Variants in BRCA2 observed in about 807,000 individuals in gnomAD.
BRCA2 encodes breast cancer type 2 susceptibility protein.
A neutral mutation model predicts 276.7 loss-of-function variants in BRCA2; 203 were observed. That is an observed-to-expected ratio of 0.73 (90% CI 0.65 to 0.82). BRCA2 has a LOEUF of 0.82. Ranked by LOEUF, BRCA2 falls within the 40% of genes least tolerant of loss-of-function variation. The pLI is 0.00. For synonymous variants in BRCA2, 1,289 were observed against 1,338.4 expected (o/e 0.96, Z 0.81); for missense variants, 3,920 against 3,915.0 (o/e 1.00, Z -0.03).
At chr13:32,363,631 A>G (rs1566246016) in intron 18 of BRCA2, 98 bp downstream of exon 18, 2 of 1,086,312 alleles carry the variant, frequency 1.8e-6, no homozygotes, top group East Asian at 5.1e-5. Context: ...AGGATGCTCA[A>G]TTTCTTAGAT....
At chr13:32,394,280 T>C (rs2073018050) in intron 24 of BRCA2, among the ~76,000 whole-genome samples, 1 of 152,248 alleles carries the variant, frequency 6.6e-6, no homozygotes, top group African/African-American at 2.4e-5. Context: ...TCATGAACTT[T>C]ATGTTCATGT....
intron 7 of BRCA2, 61 bp downstream of exon 7, chr13:32,326,674 T>C: frequency 1.6e-6 from 2 of 1,246,506 alleles, no homozygotes; most frequent in Non-Finnish European, 2.3e-6. Context: ...TTGTCATCTC[T>C]AATACTTCTG....
In BRCA2 at chr13:32,337,295, T is replaced by A. The variant is rs1555282961; in HGVS notation, c.2940T>A (p.Asp980Glu). The A allele has an allele frequency of 6.2e-7, 1 of 1,612,574 alleles. No homozygotes were observed. Among genetic ancestry groups the A allele is most frequent in the East Asian group, 2.2e-5 (1 of 44,812 alleles). The change falls in exon 11 of 27, where the codon GAT becomes GAA. Residue 980 changes from aspartate (D) to glutamate (E), a missense_variant. Coordinates refer to ENST00000380152, the MANE Select transcript of BRCA2 (RefSeq NM_000059.4). ...DLKSDISLNI[D>E]KIPEKNNDYM... ...AATCGGACATCTCCTTGAATATAGA[T>A]AAAATACCAGAAAAAAATAATGATT...
chr13:32,377,590 C>CA (rs796964470), intron 21 of BRCA2, among the ~76,000 whole-genome samples: 11 of 99,530 alleles, frequency 1.1e-4, no homozygotes, highest in African/African-American at 2.9e-4. Context: ...AACTCCGTCT[C>CA]AAAAAAAAAA....
chr13:32,375,827 T>G (rs2137610247), intron 20 of BRCA2, among the ~76,000 whole-genome samples: 1 of 151,558 alleles, frequency 6.6e-6, no homozygotes, highest in East Asian at 1.9e-4. Context: ...CCCAAAGTGC[T>G]GGGATTACAG....
intron 9 of BRCA2, 123 bp downstream of exon 9, chr13:32,331,153 T>C: frequency 2.8e-6 from 2 of 703,826 alleles, no homozygotes; most frequent in Non-Finnish European, 5.0e-6. Context: ...CTGCCTCCCG[T>C]GCTCAAGCGA....
At position 32,319,289 on chromosome 13, in the gene BRCA2, C is replaced by G. The variant is rs80358531; in HGVS notation, c.280C>G (p.Pro94Ala). Residue 94 changes from proline to alanine, a missense_variant, in exon 3 of 27, where the codon CCT (proline) becomes GCT (alanine). Pro to Ala is a conservative substitution (Grantham distance 27). Coordinates refer to ENST00000380152, the MANE Select transcript of BRCA2 (RefSeq NM_000059.4). ...QGLTLPLYQS[P>A]VKELDKFKLD... ...GCTGACTCTGCCGCTGTACCAATCT[C>G]CTGTAAAAGAATTAGATAAATTCAA... 1 of 1,613,854 alleles carries G rather than the reference C, an allele frequency of 6.2e-7. No individual in the cohort carries two copies. Among genetic ancestry groups the G allele is most frequent in the East Asian group, 2.2e-5 (1 of 44,866 alleles).
At chr13:32,354,509 A>G (rs945545607) in intron 13 of BRCA2, among the ~76,000 whole-genome samples, 11 of 152,132 alleles carry the variant, frequency 7.2e-5, no homozygotes, top group African/African-American at 1.9e-4. Flanking sequence ...AGACTGAGGT[A>G]TTAGGCGGAG....
Position 32,363,369 on chromosome 13 carries a change from G to C in BRCA2, c.8167G>C (p.Asp2723His), listed in dbSNP as rs41293511. The change falls in exon 18 of 27, where the codon GAT becomes CAT. Residue 2723 changes from aspartate to histidine, a missense_variant. This residue lies in a region of BRCA2 where 3,263 missense variants were observed against 3,156.9 expected (regional missense o/e 1.03). Transcript: ENST00000380152. ...AAAAGTGGCCATTATTGAACTTACA[G>C]ATGGGTGGTATGCTGTTAAGGCCCA... is the stretch of plus-strand genomic sequence containing the variant. ...TQKVAIIELT[D>H]GWYAVKAQLD... is the part of the protein sequence containing the mutation. 21 of 1,614,046 alleles carry C rather than the reference G, an allele frequency of 1.3e-5. No homozygotes were observed. The highest frequency in any genetic ancestry group is 1.8e-5 in the Non-Finnish European group (21 of 1,180,042).
At position 32,340,190 on chromosome 13, in the gene BRCA2, A is replaced by G. The variant is rs1593906680; in HGVS notation, c.5835A>G (p.Ile1945Met). 1.2e-6 allele frequency: 2 copies of G among 1,613,592 alleles called. No individual in the cohort carries two copies. The highest frequency in any genetic ancestry group is 1.7e-6 in the Non-Finnish European group (2 of 1,179,624). ...NMSGLEKVSK[I>M]SPCDVSLETS... Reference sequence around the variant, plus strand: ...CTGGATTGGAGAAAGTTTCTAAAATATCACCTTGTGATGTTAGTTTGGAAA... The same window carrying G: ...CTGGATTGGAGAAAGTTTCTAAAATGTCACCTTGTGATGTTAGTTTGGAAA... The change falls in exon 11 of 27, where the codon ATA (isoleucine) becomes ATG (methionine). Residue 1945 changes from isoleucine (I) to methionine (M), a missense_variant. Ile to Met is a conservative substitution (Grantham distance 10). This residue lies in a region of BRCA2 where 3,263 missense variants were observed against 3,156.9 expected (regional missense o/e 1.03). Coordinates refer to ENST00000380152, the MANE Select transcript of BRCA2 (RefSeq NM_000059.4).
rs397507341 is a variant in BRCA2, at chr13:32,339,205, G to A, written c.4850G>A (p.Ser1617Asn). Residue 1617 changes from serine (S) to asparagine (N), a missense_variant, in exon 11 of 27, where the codon AGT (serine) becomes AAT (asparagine). This residue lies in a region of BRCA2 where 3,263 missense variants were observed against 3,156.9 expected (regional missense o/e 1.03). Transcript: ENST00000380152. ...IETVVPPKLL[S>N]DNLCRQTENL... ...ACTGTGGTGCCACCTAAGCTCTTAA[G>A]TGATAATTTATGTAGACAAACTGAA... The A allele has an allele frequency of 3.7e-5, 59 of 1,613,338 alleles. No homozygotes were observed. Among genetic ancestry groups the A allele is most frequent in the Non-Finnish European group, 4.8e-5 (57 of 1,179,556 alleles).
At chr13:32,353,922 A>C (rs1243809110) in intron 13 of BRCA2, among the ~76,000 whole-genome samples, 1 of 152,210 alleles carries the variant, frequency 6.6e-6, no homozygotes, top group Admixed American at 6.5e-5. Flanking sequence ...AAATGTAGGA[A>C]CAACCCTAGG....
chr13:32,378,206 A>C (rs1179242008), intron 21 of BRCA2, among the ~76,000 whole-genome samples: 1 of 152,196 alleles, frequency 6.6e-6, no homozygotes, highest in Non-Finnish European at 1.5e-5. Flanking sequence ...AGGGGGCAGA[A>C]TAAGAGTTGG....
At chr13:32,342,704 G>A (rs1166000199) in intron 11 of BRCA2, among the ~76,000 whole-genome samples, 5 of 152,166 alleles carry the variant, frequency 3.3e-5, no homozygotes, top group East Asian at 3.9e-4. Flanking sequence ...ACAGTGGCAA[G>A]CATTTGTGTA....
intron 12 of BRCA2, among the ~76,000 whole-genome samples, chr13:32,345,864 C>A (rs893791495): frequency 6.6e-6 from 1 of 151,958 alleles, no homozygotes; most frequent in Non-Finnish European, 1.5e-5. Context: ...CATGTTGGCA[C>A]TCAAAAAGTT....
chr13:32,356,553 ATC>A lies in BRCA2; in HGVS notation c.7567_7568del (p.Leu2523GlufsTer15), dbSNP rs80359664. The A allele has an allele frequency of 6.2e-7, 1 of 1,614,084 alleles. No individual in the cohort carries two copies. The highest frequency in any genetic ancestry group is 8.5e-7 in the Non-Finnish European group (1 of 1,180,040). ...TGCAAAAACATCCACTCTGCCTCGA[ATC>A]TCTCTGAAAGCAGCAGTAGGAGGCC... Reference protein sequence around the residue: ...YLAKTSTLPRISLKAAVGGQV... With the variant: ...YLAKTSTLPRXSLKAAVGGQV... On this transcript the variant is annotated frameshift_variant, in exon 15 of 27. Transcript: ENST00000380152. LOFTEE classifies it high-confidence loss of function.
intron 19 of BRCA2, 87 bp downstream of exon 19, chr13:32,370,644 C>G: frequency 7.0e-7 from 1 of 1,428,672 alleles, no homozygotes; most frequent in East Asian, 2.4e-5. Context: ...GTTTCGGTCT[C>G]TTGCCCAGGC....
chr13:32,341,235 A>G, intron 11 of BRCA2, 39 bp downstream of exon 11: 1 of 1,612,798 alleles, frequency 6.2e-7, no homozygotes, highest in South Asian at 1.1e-5. Flanking sequence ...GCCAATCACT[A>G]TTTTTAAAGT....
rs206341 is a variant in BRCA2 at position 32,391,514 on chromosome 13, T to C, written c.9257-3175T>C. On this transcript the variant is annotated intron_variant, in intron 24 of 26. Coordinates refer to ENST00000380152, the MANE Select transcript of BRCA2 (RefSeq NM_000059.4). ...CAGAGGTGAGTTGTCAATAGCTAGC[T>C]CTCCCCAGAAGCTGGAGGATCACAT... Among the ~76,000 whole-genome samples, 149,444 of 152,316 alleles carry C rather than the reference T, an allele frequency of 0.98. 73,379 individuals carry two copies. Among genetic ancestry groups the C allele is most frequent in the East Asian group, 1 (5,167 of 5,168 alleles).
Sources: gnomAD v4.1 joint callset for allele counts (sites outside exome capture counted in the v4.1 genomes callset) on GRCh38, gnomAD v4.1.1 for gene constraint, gnomAD v4.1.1 regional missense constraint, MANE v1.5 for transcripts, NCBI Gene and HGNC (gene_info 2026-07-23, HGNC 2026-07-21) for gene names.